The following FGF12 variants were observed in gnomAD, a reference collection of about 807,000 sequenced individuals.
The protein encoded by FGF12 is fibroblast growth factor 12.
Under a neutral mutation model 23.6 loss-of-function variants are expected in FGF12, and 14 were observed. The ratio of observed to expected loss-of-function variants is 0.59; its 90% confidence interval spans 0.39 to 0.93. FGF12 has a LOEUF of 0.93. Ranked by LOEUF, FGF12 falls within the 40% of genes least tolerant of loss-of-function variation. The probability of loss-of-function intolerance (pLI) is 0.00; values close to 1 mark genes in which losing one functional copy is unlikely to be tolerated. For synonymous variants in FGF12, 62 were observed against 77.3 expected, an observed-to-expected ratio of 0.80 and a Z score of 1.04; for missense variants, 175 against 217.8, an observed-to-expected ratio of 0.80 and a Z score of 1.24.
intron 2 of FGF12, among the ~76,000 whole-genome samples, chr3:192,447,378 C>T (rs1240460467): frequency 6.6e-6 from 1 of 151,766 alleles, no homozygotes; most frequent in African/African-American, 2.4e-5. Flanking sequence ...GATGAAGACG[C>T]TCTCCAAATA....
chr3:192,187,255 T>A (rs1490143338), intron 4 of FGF12, among the ~76,000 whole-genome samples: 1 of 152,190 alleles, frequency 6.6e-6, no homozygotes, highest in African/African-American at 2.4e-5. Flanking sequence ...GTCGACGAGT[T>A]TTAGTTTCTG....
intron 4 of FGF12, among the ~76,000 whole-genome samples, chr3:192,187,313 C>A (rs1305362331): frequency 6.6e-6 from 1 of 152,040 alleles, no homozygotes; most frequent in Non-Finnish European, 1.5e-5. Context: ...TATAGTATAT[C>A]TTATAATTTA....
chr3:192,315,955 C>T (rs77094743), intron 4 of FGF12, among the ~76,000 whole-genome samples: 12,242 of 152,134 alleles, frequency 0.08, 613 homozygotes, highest in South Asian at 0.17. Flanking sequence ...TAACCCAAAC[C>T]GATTTATGTA....
chr3:192,264,333 G>C (rs1330573691), intron 4 of FGF12, among the ~76,000 whole-genome samples: 1 of 151,994 alleles, frequency 6.6e-6, no homozygotes, highest in Non-Finnish European at 1.5e-5. Flanking sequence ...TAATACAATT[G>C]CCTGGGTATA....
chr3:192,442,515 A>T lies in FGF12; in HGVS notation c.14-81977T>A, dbSNP rs1722229451. Among the ~76,000 whole-genome samples, 3 of 152,246 alleles carry T rather than the reference A, an allele frequency of 2.0e-5. No homozygotes were observed. In the South Asian group the frequency reaches 6.2e-4, roughly 31 times the overall value. Reference sequence around the variant, plus strand: ...TAGGTGCCAGAGGGAAAAGAATCTGAAGATGCCCAAACAAGTTACAGATGT... The same window carrying T: ...TAGGTGCCAGAGGGAAAAGAATCTGTAGATGCCCAAACAAGTTACAGATGT... On this transcript the variant is annotated intron_variant, in intron 2 of 5. Transcript: ENST00000445105.
intron 4 of FGF12, among the ~76,000 whole-genome samples, chr3:192,229,224 A>T (rs1021428272): frequency 1.4e-4 from 21 of 152,158 alleles, no homozygotes; most frequent in African/African-American, 5.1e-4. Context: ...TAGATGAAAG[A>T]ATTAAGATGC....
intron 4 of FGF12, among the ~76,000 whole-genome samples, chr3:192,182,527 A>G (rs776431117): frequency 1.3e-5 from 2 of 152,176 alleles, no homozygotes; most frequent in Non-Finnish European, 2.9e-5. Flanking sequence ...AAGAAAATCA[A>G]TGAAGAACCC....
chr3:192,605,186 G>A (rs1714285964), intron 2 of FGF12, among the ~76,000 whole-genome samples: 1 of 152,070 alleles, frequency 6.6e-6, no homozygotes, highest in Admixed American at 6.6e-5. Flanking sequence ...AGACCATCCT[G>A]GCCAACATGG....
intron 2 of FGF12, among the ~76,000 whole-genome samples, chr3:192,410,636 A>C (rs1560103477): frequency 6.6e-6 from 1 of 152,176 alleles, no homozygotes; most frequent in Non-Finnish European, 1.5e-5. Flanking sequence ...TGGAACAGGA[A>C]AAAGTGTTTC....
intron 3 of FGF12, among the ~76,000 whole-genome samples, chr3:192,355,186 TG>T (rs1718413414): frequency 6.6e-6 from 1 of 152,206 alleles, no homozygotes; most frequent in African/African-American, 2.4e-5. Flanking sequence ...TTTGCATATA[TG>T]AAAAATGACT....
At chr3:192,229,677 A>G (rs1266072809) in intron 4 of FGF12, among the ~76,000 whole-genome samples, 5 of 152,106 alleles carry the variant, frequency 3.3e-5, no homozygotes, top group Non-Finnish European at 7.4e-5. Flanking sequence ...GTATATTTCT[A>G]TGAGCAATTT....
At chr3:192,370,759 C>T (rs1468147183) in intron 2 of FGF12, among the ~76,000 whole-genome samples, 2 of 152,132 alleles carry the variant, frequency 1.3e-5, no homozygotes, top group Non-Finnish European at 2.9e-5. Context: ...TAGGCAGTGG[C>T]AATGGGGATG....
intron 2 of FGF12, among the ~76,000 whole-genome samples, chr3:192,686,951 C>T (rs1717765420): frequency 6.7e-6 from 1 of 149,984 alleles, no homozygotes; most frequent in African/African-American, 2.5e-5. Context: ...GCCTCAGCCT[C>T]CCGAGTAGCT....
chr3:192,452,010 G>T (rs1216014639), intron 2 of FGF12, among the ~76,000 whole-genome samples: 1 of 151,934 alleles, frequency 6.6e-6, no homozygotes, highest in East Asian at 1.9e-4. Context: ...TTGCCTGTTT[G>T]CTTTGGTAAG....
chr3:192,534,333 T>A (rs1450112352), intron 2 of FGF12, among the ~76,000 whole-genome samples: 1 of 152,140 alleles, frequency 6.6e-6, no homozygotes, highest in Non-Finnish European at 1.5e-5. Context: ...AACTTCTGAT[T>A]TTTTCTAATC....
chr3:192,422,732 T>G (rs1380364860), intron 2 of FGF12, among the ~76,000 whole-genome samples: 1 of 152,168 alleles, frequency 6.6e-6, no homozygotes, highest in Admixed American at 6.5e-5. Context: ...AAAAAGTAAC[T>G]TGGCTAAGGT....
chr3:192,514,923 C>T lies in FGF12; in HGVS notation c.14-154385G>A, dbSNP rs1356721486. ...AGGGAGCCCGGGCGCCGGCAGGGGG[C>T]GGGCCGGGACGCGGAAGTGCCGGTC... is the stretch of plus-strand genomic sequence containing the variant. On this transcript the variant is annotated intron_variant, in intron 2 of 5. Transcript: ENST00000445105. The surrounding 1 kb of genome is among the most constrained non-coding windows in gnomAD (Gnocchi z 4.9). 1.8e-5 allele frequency: 17 copies of T among 962,714 alleles called. No homozygotes were observed. Among genetic ancestry groups the T allele is most frequent in the Non-Finnish European group, 2.0e-5 (16 of 809,432 alleles). 59.6% of individuals were successfully genotyped at this position (962,714 alleles called of 1,614,324 possible). A position where few individuals can be genotyped will look rare whatever the true frequency, so the allele number is the denominator to read the frequency against.
At chr3:192,428,294 A>G (rs1346458538) in intron 2 of FGF12, among the ~76,000 whole-genome samples, 1 of 152,180 alleles carries the variant, frequency 6.6e-6, no homozygotes, top group Non-Finnish European at 1.5e-5. Context: ...CCTTTTAGAA[A>G]CAGTCAGTTT....
At chr3:192,541,320 A>T (rs928834757) in intron 2 of FGF12, among the ~76,000 whole-genome samples, 1 of 152,186 alleles carries the variant, frequency 6.6e-6, no homozygotes, top group Admixed American at 6.5e-5. Context: ...TGAAGTTACC[A>T]TAAAACATGC....
Sources: allele counts gnomAD v4.1 joint callset (sites outside exome capture counted in the v4.1 genomes callset), GRCh38; gene constraint gnomAD v4.1.1; non-coding constraint Gnocchi (gnomAD v3.1); transcripts MANE v1.5; gene names NCBI Gene and HGNC (gene_info 2026-07-23, HGNC 2026-07-21).